SRPK2: variants seen among roughly 807,000 people sequenced by gnomAD.
SRPK2 encodes the protein SRSF protein kinase 2, also known as SFRS protein kinase 2.
Under a neutral mutation model 90.8 loss-of-function variants are expected in SRPK2, and 21 were observed. The observed-to-expected ratio is 0.23, with a 90% confidence interval of 0.16 to 0.33. The LOEUF (loss-of-function observed/expected upper bound fraction) is 0.33. Among genes scored for constraint, SRPK2 ranks in the 10% least tolerant of loss-of-function variants. The probability of loss-of-function intolerance (pLI) is 1.00; values close to 1 mark genes in which losing one functional copy is unlikely to be tolerated. For missense variants in SRPK2, 620 were observed against 869.0 expected (o/e 0.71, Z 3.60); for synonymous variants, 288 against 311.1 (o/e 0.93, Z 0.78).
chr7:105,244,899 G>A (rs996240667), intron 2 of SRPK2: 5 of 1,468,330 alleles, frequency 3.4e-6, no homozygotes, highest in African/African-American at 1.4e-5. Context: ...GCACATCCGC[G>A]CCAAGAGGAA....
At chr7:105,366,998 A>G (rs1235416335) in intron 2 of SRPK2, among the ~76,000 whole-genome samples, 1 of 152,172 alleles carries the variant, frequency 6.6e-6, no homozygotes, top group Non-Finnish European at 1.5e-5. Flanking sequence ...GGTGTTATTC[A>G]AAGTTTACAG....
intron 2 of SRPK2, among the ~76,000 whole-genome samples, chr7:105,313,290 C>T (rs772040152): frequency 2.0e-5 from 3 of 150,872 alleles, no homozygotes; most frequent in Non-Finnish European, 3.0e-5. Context: ...TACCAAAATA[C>T]AAAAAAATTA....
At chr7:105,273,895 C>G (rs1806155891) in intron 2 of SRPK2, among the ~76,000 whole-genome samples, 1 of 152,144 alleles carries the variant, frequency 6.6e-6, no homozygotes, top group Non-Finnish European at 1.5e-5. Flanking sequence ...ATATACATTT[C>G]CAGATACACT....
chr7:105,281,800 A>C (rs1416874713), intron 2 of SRPK2, among the ~76,000 whole-genome samples: 1 of 152,232 alleles, frequency 6.6e-6, no homozygotes, highest in African/African-American at 2.4e-5. Flanking sequence ...ACACTGTTGA[A>C]AGAAATGAAA....
intron 2 of SRPK2, among the ~76,000 whole-genome samples, chr7:105,216,603 C>T (rs776033719): frequency 3.3e-5 from 5 of 150,604 alleles, no homozygotes; most frequent in African/African-American, 1.2e-4. Context: ...GGCAGTGAGC[C>T]GAGATCGCAC....
intron 2 of SRPK2, among the ~76,000 whole-genome samples, chr7:105,210,145 A>G (rs181369409): frequency 2.1e-4 from 32 of 152,346 alleles, no homozygotes; most frequent in Admixed American, 3.9e-4. Context: ...CAGAGAAAAG[A>G]AAAAATAAAC....
At chr7:105,397,614 C>T (rs372177143) in intron 1 of SRPK2, among the ~76,000 whole-genome samples, 1 of 151,876 alleles carries the variant, frequency 6.6e-6, no homozygotes, top group African/African-American at 2.4e-5. Flanking sequence ...AGGCATGAGC[C>T]ACCACACCTG....
At position 105,180,392 on chromosome 7, in the gene SRPK2, C is replaced by G. The variant is rs116929110; in HGVS notation, c.230-11127G>C. On this transcript the variant is annotated intron_variant, in intron 3 of 15. Coordinates refer to ENST00000393651, the MANE Select transcript of SRPK2 (RefSeq NM_182692.3). ...AGCCATATGCAGAAGACTGAAACCG[C>G]ACCCCTTCCTTACACCATATACAAA... 3.1e-3 allele frequency among the ~76,000 whole-genome samples: 468 copies of G among 152,268 alleles called. 14 individuals carry two copies. In the East Asian group the frequency reaches 0.062, roughly 20 times the overall value.
intron 7 of SRPK2, 166 bp downstream of exon 7, chr7:105,160,338 TTAA>T: frequency 2.4e-6 from 1 of 423,222 alleles, no homozygotes; most frequent in Non-Finnish European, 4.3e-6. Flanking sequence ...AAATACTGAC[TTAA>T]TAAGAGTTCA....
chr7:105,159,448 C>CAAA lies in SRPK2; in HGVS notation c.621+1056_621+1058dup, dbSNP rs765544583. ...GGGTGACAGAGCGAGACTCCGTCTCCAAAAAAAAAAAAAAAAAAAAAAAAA... is the reference window on the plus strand; with the variant it reads ...GGGTGACAGAGCGAGACTCCGTCTCCAAAAAAAAAAAAAAAAAAAAAAAAAAAA... On this transcript the variant is annotated intron_variant, in intron 7 of 15. Transcript: ENST00000393651. 4.0e-3 allele frequency among the ~76,000 whole-genome samples: 131 copies of CAAA among 33,114 alleles called. 8 individuals carry two copies. Among genetic ancestry groups the CAAA allele is most frequent in the African/African-American group, 8.0e-3 (86 of 10,690 alleles). 21.7% of individuals were successfully genotyped at this position (33,114 alleles called of 152,430 possible).
chr7:105,168,745 A>ATTGTGTG (rs1554434007), intron 4 of SRPK2, among the ~76,000 whole-genome samples: 1 of 104,082 alleles, frequency 9.6e-6, no homozygotes, highest in Admixed American at 9.4e-5. Context: ...CACGCACCAA[A>ATTGTGTG]TGTGTGTGTG....
intron 2 of SRPK2, among the ~76,000 whole-genome samples, chr7:105,354,264 G>C (rs542979142): frequency 3.6e-4 from 55 of 152,320 alleles, no homozygotes; most frequent in Middle Eastern, 3.4e-3. Flanking sequence ...GGCAGTTTCT[G>C]TCCAGGACAG....
At chr7:105,338,475 G>A (rs780180517) in intron 2 of SRPK2, among the ~76,000 whole-genome samples, 1 of 152,080 alleles carries the variant, frequency 6.6e-6, no homozygotes, top group Non-Finnish European at 1.5e-5. Flanking sequence ...TCAAACTCCT[G>A]ACCTCAGGTG....
intron 2 of SRPK2, chr7:105,204,563 C>T (rs1182200523): frequency 1.3e-5 from 6 of 454,276 alleles, no homozygotes; most frequent in Non-Finnish European, 2.1e-5. Flanking sequence ...TTAAGCTATC[C>T]CACTAATAAA....
At position 105,383,053 on chromosome 7, in the gene SRPK2, A is replaced by AT. The variant is rs1161926443; in HGVS notation, c.71+5594dup. Reference sequence around the variant, plus strand: ...GTCTGAAATTATTTCAAAAGTAAAAATTTTTTTTTTTTTTTTTTTTTTTTT... The same window carrying AT: ...GTCTGAAATTATTTCAAAAGTAAAAATTTTTTTTTTTTTTTTTTTTTTTTTT... On this transcript the variant is annotated intron_variant, in intron 2 of 15. Transcript: ENST00000393651. Among the ~76,000 whole-genome samples, 53 of 101,658 alleles carry AT rather than the reference A, an allele frequency of 5.2e-4. 1 individual carries two copies. Among genetic ancestry groups the AT allele is most frequent in the African/African-American group, 1.9e-3 (53 of 27,968 alleles). The allele number at this position is 101,658 out of a possible 152,430, so 66.7% of individuals were successfully genotyped here. A position where few individuals can be genotyped will look rare whatever the true frequency, so the allele number is the denominator to read the frequency against.
chr7:105,160,016 A>G (rs73715403), intron 7 of SRPK2, among the ~76,000 whole-genome samples: 99 of 152,358 alleles, frequency 6.5e-4, no homozygotes, highest in African/African-American at 2.3e-3. Context: ...TTCCAAGTAC[A>G]CAATAATGTT....
intron 2 of SRPK2, among the ~76,000 whole-genome samples, chr7:105,376,413 G>A (rs1408186062): frequency 6.6e-6 from 1 of 151,754 alleles, no homozygotes; most frequent in Non-Finnish European, 1.5e-5. Context: ...CCTATCCATT[G>A]AAAACCTGTG....
chr7:105,216,488 T>A (rs771081696), intron 2 of SRPK2, among the ~76,000 whole-genome samples: 1 of 151,800 alleles, frequency 6.6e-6, no homozygotes, highest in East Asian at 1.9e-4. Context: ...CTCATCTCTA[T>A]CAAAAAAATA....
intron 2 of SRPK2, among the ~76,000 whole-genome samples, chr7:105,311,281 G>A (rs1457627548): frequency 6.6e-6 from 1 of 151,928 alleles, no homozygotes; most frequent in Non-Finnish European, 1.5e-5. Context: ...CTCCCAGGCT[G>A]GAGTACAATG....
Sources: gnomAD v4.1 joint callset for allele counts (sites outside exome capture counted in the v4.1 genomes callset) on GRCh38, gnomAD v4.1.1 for gene constraint, MANE v1.5 for transcripts, NCBI Gene and HGNC (gene_info 2026-07-23, HGNC 2026-07-21) for gene names.